Variants in RAF1 observed in about 807,000 individuals in gnomAD.
RAF1 encodes the protein Raf-1 proto-oncogene, serine/threonine kinase, also known as RAF proto-oncogene serine/threonine-protein kinase.
A neutral mutation model predicts 81.1 loss-of-function variants in RAF1; 27 were observed. The observed-to-expected ratio is 0.33, with a 90% CI of 0.25 to 0.46. RAF1 has a LOEUF of 0.46. Among genes scored for constraint, RAF1 ranks in the 20% least tolerant of loss-of-function variants. The probability of loss-of-function intolerance (pLI) is 1.00; values close to 1 mark genes in which losing one functional copy is unlikely to be tolerated. For missense variants in RAF1, 598 were observed against 826.0 expected (o/e 0.72, Z 3.38); for synonymous variants, 298 against 294.0 (o/e 1.01, Z -0.14).
rs80338798 is a variant in RAF1, at chr3:12,585,761, C to G, written c.1516G>C (p.Asp506His). The G allele has an allele frequency of 6.2e-7, 1 of 1,614,098 alleles. No homozygotes were observed. The change falls in exon 15 of 18, where the codon GAT (aspartate) becomes CAT (histidine). Residue 506 changes from aspartate (D) to histidine (H), a missense_variant. Coordinates refer to ENST00000442415, the MANE Select transcript of RAF1 (RefSeq NM_001354689.3). Reference sequence around the variant, plus strand: ...GACTTTACTGTTGCCAAACCAAAATCTCCAATTTTCACTGTTAAGCCTTCA... The same window carrying G: ...GACTTTACTGTTGCCAAACCAAAATGTCCAATTTTCACTGTTAAGCCTTCA...
chr3:12,625,006 C>T (rs2059662169), intron 1 of RAF1, among the ~76,000 whole-genome samples: 1 of 151,502 alleles, frequency 6.6e-6, no homozygotes, highest in Non-Finnish European at 1.5e-5. Flanking sequence ...CAAAGGCCAA[C>T]AAACATATAT....
chr3:12,638,619 A>G (rs2060095564), intron 1 of RAF1, among the ~76,000 whole-genome samples: 1 of 152,230 alleles, frequency 6.6e-6, no homozygotes, highest in Non-Finnish European at 1.5e-5. Flanking sequence ...AACCAAATAC[A>G]TTCTTGTTCA....
chr3:12,613,817 C>T (rs1226535671), intron 2 of RAF1, among the ~76,000 whole-genome samples: 2 of 152,168 alleles, frequency 1.3e-5, no homozygotes, highest in African/African-American at 4.8e-5. Flanking sequence ...CTGAAGGGGA[C>T]TTATCTGCCC....
In RAF1 at chr3:12,585,786, A is replaced by G. The variant is rs770034641; in HGVS notation, c.1491T>C (p.His497=). 5 of 1,610,454 alleles carry G rather than the reference A, an allele frequency of 3.1e-6. No homozygotes were observed. In the Admixed American group the frequency reaches 8.3e-5, roughly 27 times the overall value. ...CTCCAATTTTCACTGTTAAGCCTTC[A>G]TGGAGAAATATATCTCAATGCTTGT... Residue 497 remains histidine (H), a synonymous_variant, in exon 15 of 18, where the codon CAT becomes CAC. Transcript: ENST00000442415.
At chr3:12,629,046 T>C (rs952986996) in intron 1 of RAF1, among the ~76,000 whole-genome samples, 2 of 152,156 alleles carry the variant, frequency 1.3e-5, no homozygotes, top group African/African-American at 4.8e-5. Flanking sequence ...ACCCAGCCAG[T>C]TCACTAATTT....
intron 1 of RAF1, among the ~76,000 whole-genome samples, chr3:12,622,241 T>C (rs746789982): frequency 2.6e-5 from 4 of 152,050 alleles, no homozygotes; most frequent in African/African-American, 4.8e-5. Context: ...AAGAGAGAAA[T>C]AGATGACGGA....
chr3:12,653,846 T>G (rs769135084), intron 1 of RAF1, among the ~76,000 whole-genome samples: 11 of 152,036 alleles, frequency 7.2e-5, no homozygotes, highest in African/African-American at 1.2e-4. Flanking sequence ...GTACCACTAG[T>G]GATGCTGGAA....
intron 2 of RAF1, among the ~76,000 whole-genome samples, 173 bp downstream of exon 2, chr3:12,618,342 T>A (rs1163789929): frequency 6.7e-6 from 1 of 148,704 alleles, no homozygotes; most frequent in East Asian, 2.0e-4. Flanking sequence ...TAGGAAAAAA[T>A]AGGGGGTGTG....
chr3:12,626,382 G>GT (rs1245985610), intron 1 of RAF1, among the ~76,000 whole-genome samples: 4 of 151,918 alleles, frequency 2.6e-5, no homozygotes, highest in Non-Finnish European at 5.9e-5. Context: ...GAGCCCAGGA[G>GT]TTTAACACCA....
chr3:12,645,448 T>C (rs2060317045), intron 1 of RAF1, among the ~76,000 whole-genome samples: 1 of 152,182 alleles, frequency 6.6e-6, no homozygotes, highest in Non-Finnish European at 1.5e-5. Flanking sequence ...AAATTAAAAA[T>C]TCAGATACTC....
chr3:12,647,082 G>A (rs1346349812), intron 1 of RAF1, among the ~76,000 whole-genome samples: 1 of 148,098 alleles, frequency 6.8e-6, no homozygotes, highest in Admixed American at 6.7e-5. Flanking sequence ...AGATCACGAG[G>A]TCAGGAGATC....
intron 1 of RAF1, among the ~76,000 whole-genome samples, chr3:12,625,793 G>T (rs1291295928): frequency 6.6e-6 from 1 of 152,132 alleles, no homozygotes; most frequent in African/African-American, 2.4e-5. Flanking sequence ...AAGAGCCACT[G>T]AAGTCCACCT....
Position 12,659,179 on chromosome 3 carries a change from GCA to G in RAF1, c.-27+4632_-27+4633del, listed in dbSNP as rs540497197. Among the ~76,000 whole-genome samples the G allele has an allele frequency of 1.2e-4, 19 of 152,094 alleles. No homozygotes were observed. In the East Asian group the frequency reaches 3.5e-3, roughly 28 times the overall value. On this transcript the variant is annotated intron_variant, in intron 1 of 17. Transcript: ENST00000442415. ...ATGCCTGAGCGAGCCTGTAATGCCAGCACTTTGGGAAGCCGAGGCAGGTGGAT... is the reference window on the plus strand; with the variant it reads ...ATGCCTGAGCGAGCCTGTAATGCCAGCTTTGGGAAGCCGAGGCAGGTGGAT...
At chr3:12,618,046 T>C (rs1413481787) in intron 2 of RAF1, among the ~76,000 whole-genome samples, 2 of 152,160 alleles carry the variant, frequency 1.3e-5, no homozygotes, top group Non-Finnish European at 2.9e-5. Context: ...TTCTATGATT[T>C]CTAAGCTGCC....
Position 12,600,174 on chromosome 3 carries a change from C to G in RAF1, c.1028G>C (p.Gly343Ala). The G allele has an allele frequency of 6.2e-7, 1 of 1,614,138 alleles. No homozygotes were observed. The highest frequency in any genetic ancestry group is 8.5e-7 in the Non-Finnish European group (1 of 1,180,028). The change falls in exon 10 of 18, where the codon GGG (glycine) becomes GCG (alanine). Residue 343 changes from glycine to alanine, a missense_variant. This residue lies in a region of RAF1 where 194 missense variants were observed against 202.7 expected (regional missense o/e 0.96). Transcript: ENST00000442415. The stretch of plus-strand genomic sequence containing the variant: ...CACAATTTTGTTTTTCTCCTGGGTC[C>G]CAGATACTGGTGCCCGCTCTCTTTG...
chr3:12,620,468 T>C (rs941495215), intron 1 of RAF1, among the ~76,000 whole-genome samples: 1 of 152,130 alleles, frequency 6.6e-6, no homozygotes, highest in African/African-American at 2.4e-5. Context: ...CCACACTTTC[T>C]TTTTAATTAA....
intron 1 of RAF1, among the ~76,000 whole-genome samples, chr3:12,654,745 TG>T (rs2060634810): frequency 1.5e-5 from 1 of 67,422 alleles, no homozygotes; most frequent in Non-Finnish European, 3.5e-5. Context: ...TTTAAAAAGA[TG>T]TCATTAATTG....
intron 1 of RAF1, among the ~76,000 whole-genome samples, chr3:12,623,738 G>C (rs895452084): frequency 1.4e-5 from 2 of 147,106 alleles, no homozygotes; most frequent in African/African-American, 5.1e-5. Context: ...AGCTTGCAGT[G>C]AGCCGAGATC....
chr3:12,630,430 T>C (rs532308559), intron 1 of RAF1, among the ~76,000 whole-genome samples: 13 of 152,300 alleles, frequency 8.5e-5, no homozygotes, highest in African/African-American at 3.1e-4. Flanking sequence ...GCCTATCTTC[T>C]GCTGGAGGCA....
Sources: allele counts gnomAD v4.1 joint callset (sites outside exome capture counted in the v4.1 genomes callset), GRCh38; gene constraint gnomAD v4.1.1; regional missense constraint gnomAD v4.1.1; transcripts MANE v1.5; gene names NCBI Gene and HGNC (gene_info 2026-07-23, HGNC 2026-07-21).